Variants in CELF5 observed in about 807,000 individuals in gnomAD.
The protein encoded by CELF5 is CUGBP Elav-like family member 5, also known as CUG-BP and ETR-3 like factor 5.
CELF5 carries 6 observed loss-of-function variants against 54.9 expected under a neutral mutation model. The observed-to-expected ratio is 0.11, with a 90% CI of 0.06 to 0.22. The LOEUF (loss-of-function observed/expected upper bound fraction) is 0.22, where lower values mean the gene tolerates loss of function less well. CELF5 is among the 10% of genes least tolerant of loss of function. The pLI, the probability that CELF5 is intolerant of heterozygous loss-of-function variation, is 1.00. For synonymous variants in CELF5, 271 were observed against 290.9 expected, an observed-to-expected ratio of 0.93 and a Z score of 0.70; for missense variants, 401 against 678.6, an observed-to-expected ratio of 0.59 and a Z score of 4.54.
chr19:3,230,922 G>A (rs868631635), intron 1 of CELF5, among the ~76,000 whole-genome samples: 19 of 152,328 alleles, frequency 1.2e-4, no homozygotes, highest in South Asian at 1.0e-3. Flanking sequence ...AGCCCAGAGA[G>A]GGGCAACACC....
chr19:3,236,517 G>A (rs1917606503), intron 1 of CELF5, among the ~76,000 whole-genome samples: 1 of 152,138 alleles, frequency 6.6e-6, no homozygotes, highest in South Asian at 2.1e-4. Context: ...TGCCATGCAG[G>A]GGGTTCGGGA....
In CELF5 at chr19:3,272,364, T is replaced by TC. The variant is rs773720998; in HGVS notation, c.343-1505dup. On this transcript the variant is annotated intron_variant, in intron 2 of 12. Coordinates refer to ENST00000292672, the MANE Select transcript of CELF5 (RefSeq NM_021938.4). ...AGCCTGGCAACAGAGTGAGAGTCCG[T>TC]CCCAAGAAAAAAAAAGAAAAAAAGA... is the stretch of plus-strand genomic sequence containing the variant. Among the ~76,000 whole-genome samples the TC allele has an allele frequency of 9.4e-3, 1,299 of 138,832 alleles. 8 individuals are homozygous for TC. The highest frequency in any genetic ancestry group is 0.026 in the Middle Eastern group (7 of 272). The allele number at this position is 138,832 out of a possible 152,430, so 91.1% of individuals were successfully genotyped here. A position where few individuals can be genotyped will look rare whatever the true frequency, so the allele number is the denominator to read the frequency against.
chr19:3,273,735 G>T (rs1212307858), intron 2 of CELF5, 137 bp from the exon 3 acceptor site: 3 of 660,686 alleles, frequency 4.5e-6, no homozygotes, highest in Non-Finnish European at 8.3e-6. Context: ...TTTGACTGGG[G>T]TGTTAGTTGG....
At chr19:3,286,125 G>T in intron 10 of CELF5, 100 bp downstream of exon 10, 1 of 1,066,418 alleles carries the variant, frequency 9.4e-7, no homozygotes. Flanking sequence ...GGACCCGCGG[G>T]GCTGAGAGTG....
chr19:3,251,493 G>A lies in CELF5; in HGVS notation c.342+426G>A, dbSNP rs1251348756. On this transcript the variant is annotated intron_variant, in intron 2 of 12. Transcript: ENST00000292672. The stretch of plus-strand genomic sequence containing the variant: ...AGTGAGGAGGTGGAGAAAGAAAGGC[G>A]GGAAGGGCAGGGGAGGTGACAGGGC... Among the ~76,000 whole-genome samples, 7 of 152,058 alleles carry A rather than the reference G, an allele frequency of 4.6e-5. 1 individual carries two copies. The highest frequency in any genetic ancestry group is 1.3e-4 in the Admixed American group (2 of 15,240).
chr19:3,235,690 G>GTGGATGGA (rs1167320138), intron 1 of CELF5, among the ~76,000 whole-genome samples: 2 of 90,248 alleles, frequency 2.2e-5, no homozygotes, highest in African/African-American at 9.0e-5. Flanking sequence ...GTGTGGATGG[G>GTGGATGGA]TGGATGGATG....
intron 1 of CELF5, among the ~76,000 whole-genome samples, chr19:3,236,758 G>A (rs923342442): frequency 6.6e-6 from 1 of 151,808 alleles, no homozygotes; most frequent in Non-Finnish European, 1.5e-5. Context: ...GCCGAGGTGG[G>A]TGATCACCTG....
Position 3,293,476 on chromosome 19 carries a change from G to A in CELF5, c.*30G>A, listed in dbSNP as rs1266681856. The A allele has an allele frequency of 3.7e-6, 6 of 1,611,916 alleles. No individual in the cohort carries two copies. The highest frequency in any genetic ancestry group is 5.1e-6 in the Non-Finnish European group (6 of 1,178,700). On this transcript the variant is annotated 3_prime_UTR_variant, in exon 12 of 13. Coordinates refer to ENST00000292672, the MANE Select transcript of CELF5 (RefSeq NM_021938.4). ...GCCCACAGCCGCCCTGAGGCTGTAGGCATGGCCCAGGTGAGCCGCCAGGCG... is the reference window on the plus strand; with the variant it reads ...GCCCACAGCCGCCCTGAGGCTGTAGACATGGCCCAGGTGAGCCGCCAGGCG...
rs1459555953 is a variant in CELF5 at position 3,228,315 on chromosome 19, C to T, written c.259+3317C>T. Among the ~76,000 whole-genome samples the T allele has an allele frequency of 6.6e-6, 1 of 152,160 alleles. No homozygotes were observed. The highest frequency in any genetic ancestry group is 2.4e-5 in the African/African-American group (1 of 41,434). Reference sequence around the variant, plus strand: ...AGCGGGGACCTCCCCCAGGAAGGACCCCCACCCCAGGCCAGGGGCTCAGGC... The same window carrying T: ...AGCGGGGACCTCCCCCAGGAAGGACTCCCACCCCAGGCCAGGGGCTCAGGC... On this transcript the variant is annotated intron_variant, in intron 1 of 12. Coordinates refer to ENST00000292672, the MANE Select transcript of CELF5 (RefSeq NM_021938.4). This position sits in a 1 kb window ranked among gnomAD's most constrained non-coding sequence, Gnocchi z 6.0.
At chr19:3,226,733 C>T (rs529616446) in intron 1 of CELF5, among the ~76,000 whole-genome samples, 21 of 150,930 alleles carry the variant, frequency 1.4e-4, no homozygotes, top group African/African-American at 4.4e-4. Flanking sequence ...GGTGGGGGTG[C>T]AGGGACTGGA....
chr19:3,270,794 C>T (rs978312392), intron 2 of CELF5: 28 of 152,296 alleles, frequency 1.8e-4, no homozygotes, highest in Admixed American at 1.5e-3. Flanking sequence ...GACCCCCTCT[C>T]CCCGGCCGAC....
chr19:3,280,468 A>G (rs1250846152), intron 5 of CELF5, among the ~76,000 whole-genome samples: 3 of 152,064 alleles, frequency 2.0e-5, no homozygotes, highest in Admixed American at 1.3e-4. Flanking sequence ...CCAGCTACTC[A>G]AGAGGCTGAG....
At chr19:3,279,734 G>A (rs529660970) in intron 5 of CELF5, among the ~76,000 whole-genome samples, 2 of 152,068 alleles carry the variant, frequency 1.3e-5, no homozygotes, top group East Asian at 3.9e-4. Context: ...ACAGAGTCTC[G>A]CTCTGTCGCC....
At chr19:3,276,051 G>A (rs1183670291) in intron 4 of CELF5, 67 bp downstream of exon 4, 2 of 1,168,050 alleles carry the variant, frequency 1.7e-6, no homozygotes, top group Admixed American at 2.2e-5. Context: ...GGGGCCTGTG[G>A]GGAGGGTGGG....
At chr19:3,237,311 C>CAAAA (rs1182124877) in intron 1 of CELF5, among the ~76,000 whole-genome samples, 2 of 42,240 alleles carry the variant, frequency 4.7e-5, no homozygotes, top group Non-Finnish European at 8.9e-5. Context: ...GACTCCGTCT[C>CAAAA]AAAAAAAAAA....
chr19:3,225,480 C>CCCAAAAAA, intron 1 of CELF5: 3 of 670,802 alleles, frequency 4.5e-6, no homozygotes, highest in Non-Finnish European at 5.5e-6. Flanking sequence ...CCCCCACCCC[C>CCCAAAAAA]ATTCATTCAG....
At chr19:3,225,658 G>A (rs1916864438) in intron 1 of CELF5, 3 of 938,166 alleles carry the variant, frequency 3.2e-6, no homozygotes, top group Non-Finnish European at 3.8e-6. Context: ...GCCCGGCTCG[G>A]GGGGACGCGC....
rs560488687 is a variant in CELF5, at chr19:3,266,304, G to T, written c.343-7568G>T. Among the ~76,000 whole-genome samples the T allele has an allele frequency of 7.2e-5, 11 of 152,052 alleles. No individual in the cohort carries two copies. The South Asian group carries it at 2.3e-3, about 32-fold the overall frequency. On this transcript the variant is annotated intron_variant, in intron 2 of 12. Transcript: ENST00000292672. ...CTGCTTCGACTCCATCCCTGTTTTA[G>T]CTAGTCTTCAGTTTGGTCCCGTATC... is the stretch of plus-strand genomic sequence containing the variant.
chr19:3,225,136 AC>A (rs1226315470), intron 1 of CELF5, 138 bp downstream of exon 1: 1 of 335,862 alleles, frequency 3.0e-6, no homozygotes, highest in Non-Finnish European at 4.8e-6. Flanking sequence ...ATCGGTTCTT[AC>A]CCCCTCCCTC....
Sources: allele counts gnomAD v4.1 joint callset (sites outside exome capture counted in the v4.1 genomes callset), GRCh38; gene constraint gnomAD v4.1.1; non-coding constraint Gnocchi (gnomAD v3.1); transcripts MANE v1.5; gene names NCBI Gene and HGNC (gene_info 2026-07-23, HGNC 2026-07-21).